The following OTOGL variants were observed in gnomAD, a reference collection of about 807,000 sequenced individuals.
OTOGL encodes the protein otogelin like.
A neutral mutation model predicts 318.5 loss-of-function variants in OTOGL; 285 were observed. The ratio of observed to expected loss-of-function variants is 0.89; its 90% confidence interval spans 0.81 to 0.99. OTOGL has a LOEUF of 0.99. Among genes scored for constraint, OTOGL ranks in the 50% least tolerant of loss-of-function variants. The pLI is 0.00. For missense variants in OTOGL, 2,899 were observed against 2,845.6 expected (o/e 1.02, Z -0.43); for synonymous variants, 987 against 936.5 (o/e 1.05, Z -0.99).
rs184809408 is a variant in OTOGL, at chr12:80,355,827, T to A, written c.5685T>A (p.Asn1895Lys). 2.6e-5 allele frequency: 42 copies of A among 1,613,924 alleles called. No homozygotes were observed. In the African/African-American group the frequency reaches 5.5e-4, roughly 21 times the overall value. Residue 1895 changes from asparagine (N) to lysine (K), a missense_variant, in exon 47 of 59, where the codon AAT becomes AAA. Asn to Lys is a moderately conservative substitution (Grantham distance 94). This residue lies in a region of OTOGL where 2,607 missense variants were observed against 2,524.9 expected (regional missense o/e 1.03). Coordinates refer to ENST00000547103, the MANE Select transcript of OTOGL (RefSeq NM_001378609.3). ...GCACTCTATACAAATGTTTGGAGAA[T>A]GGAAGCATTATCCCTATAGAACCTG... ...DECTLYKCLE[N>K]GSIIPIEPDC...
intron 6 of OTOGL, 113 bp from the exon 7 acceptor site, chr12:80,221,978 G>A (rs1878387482): frequency 8.3e-7 from 1 of 1,199,102 alleles, no homozygotes; most frequent in Admixed American, 2.6e-5. Context: ...CTGTGTTATA[G>A]ACCAAGGAAG....
At chr12:80,291,053 C>T (rs1342523317) in intron 26 of OTOGL, among the ~76,000 whole-genome samples, 1 of 152,100 alleles carries the variant, frequency 6.6e-6, no homozygotes, top group East Asian at 1.9e-4. Context: ...TAGCATTTAT[C>T]ATTGTCATTT....
intron 1 of OTOGL, among the ~76,000 whole-genome samples, chr12:80,158,710 TA>T (rs1873293762): frequency 6.6e-6 from 1 of 152,156 alleles, no homozygotes; most frequent in African/African-American, 2.4e-5. Flanking sequence ...TGAATTCATT[TA>T]TCAGTTCTAG....
intron 1 of OTOGL, among the ~76,000 whole-genome samples, chr12:80,145,199 T>G (rs1027689114): frequency 1.5e-4 from 23 of 150,988 alleles, no homozygotes; most frequent in African/African-American, 5.7e-4. Context: ...GGTCTAACGT[T>G]TAAGTCTTTA....
At chr12:80,119,074 A>G (rs972374343) in intron 1 of OTOGL, among the ~76,000 whole-genome samples, 3 of 152,180 alleles carry the variant, frequency 2.0e-5, no homozygotes, top group East Asian at 1.9e-4. Context: ...GATTGTTTAT[A>G]TTCTAGAAAA....
chr12:80,193,720 G>C (rs1036808744), intron 1 of OTOGL, among the ~76,000 whole-genome samples: 2 of 152,176 alleles, frequency 1.3e-5, no homozygotes. Flanking sequence ...AGGAAGCTAT[G>C]GATGTTCTTT....
chr12:80,356,254 C>A, intron 47 of OTOGL, 162 bp from the exon 48 acceptor site: 1 of 622,164 alleles, frequency 1.6e-6, no homozygotes, highest in South Asian at 2.1e-5. Flanking sequence ...ATATGGCCCA[C>A]TTTGTTAGAT....
At chr12:80,312,598 T>C (rs1035466745) in intron 30 of OTOGL, among the ~76,000 whole-genome samples, 1 of 152,140 alleles carries the variant, frequency 6.6e-6, no homozygotes, top group African/African-American at 2.4e-5. Context: ...GCCACATAGG[T>C]AGACTAAAGT....
Position 80,126,352 on chromosome 12 carries a change from G to C in OTOGL, c.-20+26747G>C, listed in dbSNP as rs1241577935. Among the ~76,000 whole-genome samples, 5 of 152,176 alleles carry C rather than the reference G, an allele frequency of 3.3e-5. No homozygotes were observed. The South Asian group carries it at 6.2e-4, about 19-fold the overall frequency. ...AGTTTCCATGTAGTTGAGCGGTTTTGAGTGAGTTTCTTAATCCTGAATTCT... is the reference window on the plus strand; with the variant it reads ...AGTTTCCATGTAGTTGAGCGGTTTTCAGTGAGTTTCTTAATCCTGAATTCT... On this transcript the variant is annotated intron_variant, in intron 1 of 58. Coordinates refer to ENST00000547103, the MANE Select transcript of OTOGL (RefSeq NM_001378609.3).
chr12:80,318,421 TA>T (rs1475661863), intron 32 of OTOGL, 124 bp from the exon 33 acceptor site: 2 of 546,912 alleles, frequency 3.7e-6, no homozygotes, highest in African/African-American at 3.9e-5. Context: ...GTTATTTTAT[TA>T]GTGATAAATT....
At chr12:80,336,690 C>T (rs1033734084) in intron 40 of OTOGL, 107 bp from the exon 41 acceptor site, 45 of 1,397,472 alleles carry the variant, frequency 3.2e-5, no homozygotes, top group Non-Finnish European at 4.1e-5. Flanking sequence ...GTTTCAGAAA[C>T]ATTTCTGAAA....
chr12:80,210,948 C>A, intron 3 of OTOGL, 62 bp downstream of exon 3: 1 of 1,126,610 alleles, frequency 8.9e-7, no homozygotes, highest in Admixed American at 3.2e-5. Context: ...GAGCAAACCT[C>A]AGCAGGCAAC....
intron 1 of OTOGL, among the ~76,000 whole-genome samples, chr12:80,190,528 C>G (rs1187473421): frequency 6.6e-6 from 1 of 152,142 alleles, no homozygotes; most frequent in Non-Finnish European, 1.5e-5. Context: ...TGGCTCACGC[C>G]TGTAATCCCA....
Position 80,314,321 on chromosome 12 carries a change from C to T in OTOGL, c.3624C>T (p.Tyr1208=), listed in dbSNP as rs757995656. 1.9e-6 allele frequency: 2 copies of T among 1,046,974 alleles called. No individual in the cohort carries two copies. Among genetic ancestry groups the T allele is most frequent in the Non-Finnish European group, 2.6e-6 (2 of 782,710 alleles). 64.9% of individuals were successfully genotyped at this position (1,046,974 alleles called of 1,614,324 possible). A position where few individuals can be genotyped will look rare whatever the true frequency, so the allele number is the denominator to read the frequency against. Residue 1208 remains tyrosine, a synonymous_variant, in exon 32 of 59, where the codon TAC becomes TAT. Transcript: ENST00000547103. ...SSTVCSLDCE[Y]YNEGLGEGPY... is the part of the protein sequence containing the mutation. ...TTCTTTTAGCACTTGATTGTGAATA[C>T]TACAATGAAGGTATGTGACATTCAA...
intron 1 of OTOGL, among the ~76,000 whole-genome samples, chr12:80,192,469 GT>G (rs1875761719): frequency 1.3e-5 from 2 of 152,202 alleles, no homozygotes; most frequent in South Asian, 4.1e-4. Flanking sequence ...TCTCACAGAA[GT>G]TTGTGGGAAA....
chr12:80,275,532 G>A (rs1450362367), intron 24 of OTOGL, among the ~76,000 whole-genome samples: 1 of 151,958 alleles, frequency 6.6e-6, no homozygotes, highest in Non-Finnish European at 1.5e-5. Context: ...GATAATAAAA[G>A]ATTTAGAATA....
intron 1 of OTOGL, among the ~76,000 whole-genome samples, chr12:80,131,395 G>A (rs1871231437): frequency 6.6e-6 from 1 of 152,156 alleles, no homozygotes; most frequent in Non-Finnish European, 1.5e-5. Flanking sequence ...GTTAGGAAGA[G>A]GAGAGTCAGA....
At chr12:80,348,066 T>G (rs1420793867) in intron 44 of OTOGL, among the ~76,000 whole-genome samples, 2 of 152,216 alleles carry the variant, frequency 1.3e-5, no homozygotes, top group African/African-American at 4.8e-5. Flanking sequence ...TCCCATTCTA[T>G]AGGTTGCCTG....
rs1877200734 is a variant in OTOGL, at chr12:80,210,902, T to A, written c.119+16T>A. The A allele has an allele frequency of 1.4e-6, 2 of 1,464,042 alleles. No individual in the cohort carries two copies. Among genetic ancestry groups the A allele is most frequent in the Non-Finnish European group, 1.8e-6 (2 of 1,098,312 alleles). 90.7% of individuals were successfully genotyped at this position (1,464,042 alleles called of 1,614,324 possible). On this transcript the variant is annotated intron_variant, in intron 3 of 58. Coordinates refer to ENST00000547103, the MANE Select transcript of OTOGL (RefSeq NM_001378609.3). ...GAACATCAAAGTGAGTATTTCTTGTTCTTCGTGTCCTCTAAAACATAAAGT... is the reference window on the plus strand; with the variant it reads ...GAACATCAAAGTGAGTATTTCTTGTACTTCGTGTCCTCTAAAACATAAAGT...
Sources: allele counts gnomAD v4.1 joint callset (sites outside exome capture counted in the v4.1 genomes callset), GRCh38; gene constraint gnomAD v4.1.1; regional missense constraint gnomAD v4.1.1; transcripts MANE v1.5; gene names NCBI Gene and HGNC (gene_info 2026-07-23, HGNC 2026-07-21).